Variants in TSPAN7 observed in about 807,000 individuals in gnomAD.
TSPAN7 encodes tetraspanin-7.
TSPAN7 carries 1 observed loss-of-function variant against 17.6 expected under a neutral mutation model. The ratio of observed to expected loss-of-function variants is 0.06; its 90% confidence interval spans 0.02 to 0.27. The LOEUF (loss-of-function observed/expected upper bound fraction) is 0.27, where lower values mean the gene tolerates loss of function less well. TSPAN7 is among the 10% of genes least tolerant of loss of function. TSPAN7 has a pLI of 1.00. For missense variants in TSPAN7, 112 were observed against 201.7 expected (o/e 0.56, Z 2.69); for synonymous variants, 78 against 79.0 (o/e 0.99, Z 0.07).
intron 1 of TSPAN7, among the ~76,000 whole-genome samples, chrX:38,584,755 C>T (rs2069248865): frequency 8.9e-6 from 1 of 111,774 alleles, no homozygotes; most frequent in Non-Finnish European, 1.9e-5. Flanking sequence ...AGAACATTGT[C>T]AGTACTCCCA....
intron 1 of TSPAN7, among the ~76,000 whole-genome samples, chrX:38,601,897 A>G (rs1378783212): frequency 4.5e-5 from 5 of 111,378 alleles, no homozygotes; most frequent in Non-Finnish European, 9.4e-5. Flanking sequence ...GGCCAGCCTA[A>G]GCTTTTCACA....
chrX:38,672,260 G>A (rs1298682302), intron 3 of TSPAN7, among the ~76,000 whole-genome samples: 1 of 109,889 alleles, frequency 9.1e-6, no homozygotes, highest in African/African-American at 3.3e-5. Flanking sequence ...AAAACAGAGA[G>A]TGTTACTGTG....
intron 1 of TSPAN7, among the ~76,000 whole-genome samples, chrX:38,591,854 T>C (rs998407433): frequency 8.9e-6 from 1 of 112,242 alleles, no homozygotes; most frequent in Non-Finnish European, 1.9e-5. Context: ...TTTTGAATAG[T>C]GTTAGTATGT....
At chrX:38,578,090 G>A (rs1386313857) in intron 1 of TSPAN7, among the ~76,000 whole-genome samples, 1 of 111,188 alleles carries the variant, frequency 9.0e-6, no homozygotes, top group Non-Finnish European at 1.9e-5. Flanking sequence ...CAAAATGGGT[G>A]ATCAGGTAGA....
intron 1 of TSPAN7, among the ~76,000 whole-genome samples, chrX:38,614,080 C>T (rs1453951216): frequency 1.8e-5 from 2 of 108,587 alleles, no homozygotes; most frequent in African/African-American, 3.4e-5. Flanking sequence ...ATTGTCCCAT[C>T]TCCTGTTCTC....
intron 1 of TSPAN7, among the ~76,000 whole-genome samples, chrX:38,663,561 T>C (rs1470561275): frequency 8.9e-6 from 1 of 112,274 alleles, no homozygotes; most frequent in African/African-American, 3.2e-5. Context: ...AATTAAAAAG[T>C]CTTTTTCTGA....
At chrX:38,681,525 A>C (rs1352284081) in intron 6 of TSPAN7, among the ~76,000 whole-genome samples, 1 of 112,437 alleles carries the variant, frequency 8.9e-6, no homozygotes, top group Admixed American at 9.4e-5. Flanking sequence ...CCAGAAAAAC[A>C]ACTGGCTACT....
At chrX:38,622,963 G>T (rs1430929437) in intron 1 of TSPAN7, 1 of 331,464 alleles carries the variant, frequency 3.0e-6, no homozygotes, top group Non-Finnish European at 5.9e-6. Flanking sequence ...CAAGTAATAT[G>T]GTATGGAAGA....
At chrX:38,671,479 T>G (rs1387106409) in intron 3 of TSPAN7, 29 bp downstream of exon 3, 1 of 1,172,753 alleles carries the variant, frequency 8.5e-7, no homozygotes, top group East Asian at 3.0e-5. Context: ...CAGAACTCAG[T>G]TAAGGGGTGT....
At chrX:38,654,186 G>A (rs1569312542) in intron 1 of TSPAN7, among the ~76,000 whole-genome samples, 1 of 111,514 alleles carries the variant, frequency 9.0e-6, no homozygotes, top group African/African-American at 3.3e-5. Flanking sequence ...CCTTGGGCAC[G>A]TTTCATAGGG....
chrX:38,659,027 CACACA>C, intron 1 of TSPAN7, among the ~76,000 whole-genome samples: 1 of 92,650 alleles, frequency 1.1e-5, no homozygotes, highest in African/African-American at 4.0e-5. Flanking sequence ...CACACACACA[CACACA>C]CACACACCCA....
In TSPAN7 at chrX:38,563,238, T is replaced by C. The variant is rs1392269635; in HGVS notation, c.81+1611T>C. 5 of 653,062 alleles carry C rather than the reference T, an allele frequency of 7.7e-6. No homozygotes were observed. In the East Asian group the frequency reaches 3.4e-4, roughly 45 times the overall value. The allele number at this position is 653,062 out of a possible 1,213,427, so 53.8% of individuals were successfully genotyped here. A position where few individuals can be genotyped will look rare whatever the true frequency, so the allele number is the denominator to read the frequency against. On this transcript the variant is annotated intron_variant, in intron 1 of 7. Coordinates refer to ENST00000378482, the MANE Select transcript of TSPAN7 (RefSeq NM_004615.4). ...AGGCAAACACAGAAACGGACTTTATTTGGACTGACAACGACACAGGTTGAA... is the reference window on the plus strand; with the variant it reads ...AGGCAAACACAGAAACGGACTTTATCTGGACTGACAACGACACAGGTTGAA...
At chrX:38,642,188 T>C (rs1047441138) in intron 1 of TSPAN7, among the ~76,000 whole-genome samples, 4 of 111,863 alleles carry the variant, frequency 3.6e-5, no homozygotes, top group African/African-American at 6.5e-5. Context: ...AGGTTATTTG[T>C]ATGATTAAAT....
chrX:38,674,182 G>A (rs2069838714), intron 3 of TSPAN7, 39 bp from the exon 4 acceptor site: 3 of 1,046,996 alleles, frequency 2.9e-6, no homozygotes, highest in East Asian at 3.2e-5. Flanking sequence ...AGTTTGGGCT[G>A]TGGTGGACTG....
At chrX:38,641,356 G>A (rs1038597109) in intron 1 of TSPAN7, among the ~76,000 whole-genome samples, 4 of 112,124 alleles carry the variant, frequency 3.6e-5, no homozygotes, top group African/African-American at 1.3e-4. Flanking sequence ...CATGTATGTT[G>A]TTCTTAACTG....
At chrX:38,576,828 G>A (rs1364873322) in intron 1 of TSPAN7, among the ~76,000 whole-genome samples, 1 of 112,064 alleles carries the variant, frequency 8.9e-6, no homozygotes, top group Non-Finnish European at 1.9e-5. Context: ...GCCTTATTGT[G>A]GGTTGATTGC....
At chrX:38,645,241 A>G (rs1415410753) in intron 1 of TSPAN7, among the ~76,000 whole-genome samples, 1 of 112,147 alleles carries the variant, frequency 8.9e-6, no homozygotes, top group East Asian at 2.8e-4. Context: ...AATTCCCAGG[A>G]GCTTCTAATT....
chrX:38,574,760 GAT>G (rs1321112103), intron 1 of TSPAN7, among the ~76,000 whole-genome samples: 1 of 110,985 alleles, frequency 9.0e-6, no homozygotes, highest in Admixed American at 9.6e-5. Context: ...GAAATCAAGA[GAT>G]ATTTTCGGGA....
At chrX:38,592,932 C>G (rs1326260217) in intron 1 of TSPAN7, among the ~76,000 whole-genome samples, 5 of 111,149 alleles carry the variant, frequency 4.5e-5, no homozygotes, top group East Asian at 2.8e-4. Flanking sequence ...TCTTGAACAA[C>G]TTATTTTAAC....
Sources: allele counts gnomAD v4.1 joint callset (sites outside exome capture counted in the v4.1 genomes callset), GRCh38; gene constraint gnomAD v4.1.1; transcripts MANE v1.5; gene names NCBI Gene and HGNC (gene_info 2026-07-23, HGNC 2026-07-21).